ZNF571: variants seen among roughly 807,000 people sequenced by gnomAD.
The protein encoded by ZNF571 is zinc finger protein 571.
Under a neutral mutation model 7.7 loss-of-function variants are expected in ZNF571, and 4 were observed. The observed-to-expected ratio is 0.52, with a 90% CI of 0.25 to 1.18. ZNF571 has a LOEUF of 1.18. ZNF571 is among the 50% of genes most tolerant of loss of function. ZNF571 has a pLI of 0.14. For synonymous variants in ZNF571, 251 were observed against 232.4 expected (o/e 1.08, Z -0.73); for missense variants, 704 against 726.9 (o/e 0.97, Z 0.36).
intron 3 of ZNF571, among the ~76,000 whole-genome samples, chr19:37,579,766 T>C (rs928860795): frequency 6.6e-6 from 1 of 152,118 alleles, no homozygotes. Context: ...CTTTTATTAC[T>C]CTCTCTCCCA....
At chr19:37,574,347 C>T (rs921738976) in intron 3 of ZNF571, among the ~76,000 whole-genome samples, 5 of 152,126 alleles carry the variant, frequency 3.3e-5, no homozygotes, top group African/African-American at 9.7e-5. Context: ...TGCTTTTCAA[C>T]TTTAACTCAA....
intron 2 of ZNF571, among the ~76,000 whole-genome samples, chr19:37,584,812 A>T (rs2043606530): frequency 1.3e-5 from 2 of 152,118 alleles, no homozygotes; most frequent in Admixed American, 1.3e-4. Flanking sequence ...AATACAAAAA[A>T]AATTAGCCGG....
intron 3 of ZNF571, among the ~76,000 whole-genome samples, chr19:37,571,781 A>T (rs978004674): frequency 6.6e-6 from 1 of 152,182 alleles, no homozygotes; most frequent in East Asian, 1.9e-4. Context: ...CAGAAACATG[A>T]TAAGTATGGG....
rs537775319 is a variant in ZNF571, at chr19:37,583,332, A to T, written c.136+639T>A. On this transcript the variant is annotated intron_variant, in intron 3 of 3. Transcript: ENST00000451802. The stretch of plus-strand genomic sequence containing the variant: ...AAACGTAATTCAAAAAATAGATAAA[A>T]GCATTGTCCCCAAAAGAGATCAGAC... Among the ~76,000 whole-genome samples the T allele has an allele frequency of 3.3e-5, 5 of 152,364 alleles. No individual in the cohort carries two copies. The East Asian group carries it at 9.6e-4, about 29-fold the overall frequency.
Position 37,565,336 on chromosome 19 carries a change from T to C in ZNF571, c.1092A>G (p.Glu364=), listed in dbSNP as rs771313857. 5.0e-6 allele frequency: 8 copies of C among 1,613,236 alleles called. No homozygotes were observed. The East Asian group carries it at 6.7e-5, about 13-fold the overall frequency. The change falls in exon 4 of 4, where the codon GAA becomes GAG. Residue 364 remains glutamate, a synonymous_variant. Transcript: ENST00000451802. ...AAAAGGTCTTCCCGCATTCTTTACATTCATAGGGTTTCTCTCCTGTATGAA... is the reference window on the plus strand; with the variant it reads ...AAAAGGTCTTCCCGCATTCTTTACACTCATAGGGTTTCTCTCCTGTATGAA... ...QRIHTGEKPY[E]CKECGKTFFR... is the part of the protein sequence containing the mutation.
At chr19:37,580,996 C>T (rs2043436666) in intron 3 of ZNF571, among the ~76,000 whole-genome samples, 1 of 152,106 alleles carries the variant, frequency 6.6e-6, no homozygotes, top group African/African-American at 2.4e-5. Flanking sequence ...GTTTAAATAC[C>T]AAAACTAGAA....
rs1011747810 is a variant in ZNF571, at chr19:37,569,250, GC to G, written c.137-2960del. Among the ~76,000 whole-genome samples, 8 of 152,052 alleles carry G rather than the reference GC, an allele frequency of 5.3e-5. No individual in the cohort carries two copies. The highest frequency in any genetic ancestry group is 4.6e-4 in the Admixed American group (7 of 15,256). On this transcript the variant is annotated intron_variant, in intron 3 of 3. Coordinates refer to ENST00000451802, the MANE Select transcript of ZNF571 (RefSeq NM_016536.5). The surrounding 1 kb of genome is among the most constrained non-coding windows in gnomAD (Gnocchi z 4.4). ...TTACAGGCATGAGTCACTGCGCCTG[GC>G]CCCAAAGCATCCGGAACCACAACAA...
At chr19:37,586,952 C>A (rs2043695160) in intron 1 of ZNF571, 3 of 442,806 alleles carry the variant, frequency 6.8e-6, no homozygotes, top group Middle Eastern at 1.2e-3. Flanking sequence ...GGTGCTGTTA[C>A]TTTCCCATGG....
chr19:37,589,882 A>AAAAAAG, intron 1 of ZNF571, among the ~76,000 whole-genome samples: 1 of 149,602 alleles, frequency 6.7e-6, no homozygotes, highest in Non-Finnish European at 1.5e-5. Flanking sequence ...AAAAAAAAAA[A>AAAAAAG]AAAAAGCACA....
chr19:37,576,977 C>T (rs1279990553), intron 3 of ZNF571, among the ~76,000 whole-genome samples: 1 of 152,090 alleles, frequency 6.6e-6, no homozygotes, highest in Non-Finnish European at 1.5e-5. Flanking sequence ...CTATACACCG[C>T]CATCTTCTGC....
rs112813977 is a variant in ZNF571 at position 37,578,856 on chromosome 19, T to C, written c.136+5115A>G. Among the ~76,000 whole-genome samples the C allele has an allele frequency of 8.0e-3, 1,223 of 152,334 alleles. 13 individuals carry two copies. Among genetic ancestry groups the C allele is most frequent in the African/African-American group, 0.028 (1,155 of 41,594 alleles). ...TAAACTCTGGTGGCCTGAGGTTCTG[T>C]GTTCCTCTGGGGCAGAACTCCCAGA... On this transcript the variant is annotated intron_variant, in intron 3 of 3. Transcript: ENST00000451802.
chr19:37,570,420 A>G (rs1168727478), intron 3 of ZNF571, among the ~76,000 whole-genome samples: 1 of 152,162 alleles, frequency 6.6e-6, no homozygotes, highest in Non-Finnish European at 1.5e-5. Context: ...CGCTTCACCT[A>G]ACCTCTCCCA....
intron 3 of ZNF571, among the ~76,000 whole-genome samples, chr19:37,582,470 C>T (rs1432842057): frequency 6.6e-6 from 1 of 152,128 alleles, no homozygotes; most frequent in Non-Finnish European, 1.5e-5. Context: ...GTTGGAACAC[C>T]CCATGGTTCA....
intron 3 of ZNF571, among the ~76,000 whole-genome samples, chr19:37,567,124 CATT>C (rs2147154359): frequency 6.6e-6 from 1 of 152,322 alleles, no homozygotes; most frequent in South Asian, 2.1e-4. Context: ...TCAGCTGTCA[CATT>C]ATCAAAACAT....
At chr19:37,592,475 C>G (rs1282114654) in intron 1 of ZNF571, among the ~76,000 whole-genome samples, 1 of 152,114 alleles carries the variant, frequency 6.6e-6, no homozygotes, top group Non-Finnish European at 1.5e-5. Context: ...CATTGTAATA[C>G]CTATGAGTTT....
chr19:37,568,109 A>C (rs1055556391), intron 3 of ZNF571, among the ~76,000 whole-genome samples: 5 of 152,176 alleles, frequency 3.3e-5, no homozygotes, highest in African/African-American at 1.2e-4. Context: ...AATGCAGAGA[A>C]ACCTATCTGA....
At chr19:37,591,401 T>C (rs1006544189) in intron 1 of ZNF571, among the ~76,000 whole-genome samples, 1 of 152,194 alleles carries the variant, frequency 6.6e-6, no homozygotes, top group Non-Finnish European at 1.5e-5. Context: ...AAAAGAATAA[T>C]GATCACAATA....
At chr19:37,570,809 T>C (rs1210927480) in intron 3 of ZNF571, among the ~76,000 whole-genome samples, 1 of 152,132 alleles carries the variant, frequency 6.6e-6, no homozygotes, top group Non-Finnish European at 1.5e-5. Context: ...CATTATAGCA[T>C]TCATAGTAAA....
At chr19:37,589,864 C>CAAA (rs60136941) in intron 1 of ZNF571, among the ~76,000 whole-genome samples, 5,152 of 29,512 alleles carry the variant, frequency 0.17, 1,826 homozygotes, top group African/African-American at 0.23. Context: ...GACTCCATCT[C>CAAA]AAAAAAAAAA....
Sources: allele counts gnomAD v4.1 joint callset (sites outside exome capture counted in the v4.1 genomes callset), GRCh38; gene constraint gnomAD v4.1.1; non-coding constraint Gnocchi (gnomAD v3.1); transcripts MANE v1.5; gene names NCBI Gene and HGNC (gene_info 2026-07-23, HGNC 2026-07-21).